The following SEMA3A variants were observed in gnomAD, a reference collection of about 807,000 sequenced individuals.
SEMA3A encodes semaphorin-3A.
Under a neutral mutation model 97.9 loss-of-function variants are expected in SEMA3A, and 29 were observed. That is an observed-to-expected ratio of 0.30 (90% CI 0.22 to 0.40). SEMA3A has a LOEUF of 0.40. SEMA3A is among the 10% of genes least tolerant of loss of function. SEMA3A has a pLI of 1.00. For missense variants in SEMA3A, 763 were observed against 951.3 expected (o/e 0.80, Z 2.60); for synonymous variants, 321 against 323.7 (o/e 0.99, Z 0.09).
chr7:84,024,011 CAAA>C (rs397890179), intron 6 of SEMA3A, among the ~76,000 whole-genome samples: 117 of 113,680 alleles, frequency 1.0e-3, no homozygotes, highest in African/African-American at 3.4e-3. Flanking sequence ...GACTCCGTCT[CAAA>C]AAAAAAAAAA....
Position 83,985,466 on chromosome 7 carries a change from A to C in SEMA3A, c.1464T>G (p.Ala488=), listed in dbSNP as rs778461884. Reference sequence around the variant, plus strand: ...TAGTGGAAAGCTCCATTGCTGAAATAGCAGTCGGTTCCTAAAGGAGAAAAA... The same window carrying C: ...TAGTGGAAAGCTCCATTGCTGAAATCGCAGTCGGTTCCTAAAGGAGAAAAA... ...EEMTVFREPT[A]ISAMELSTKQ... is the part of the protein sequence containing the mutation. The change falls in exon 13 of 17, where the codon GCT becomes GCG. Residue 488 remains alanine (A), a synonymous_variant. Transcript: ENST00000265362. 4 of 1,610,260 alleles carry C rather than the reference A, an allele frequency of 2.5e-6. No homozygotes were observed. The East Asian group carries it at 8.9e-5, about 36-fold the overall frequency.
intron 3 of SEMA3A, among the ~76,000 whole-genome samples, chr7:84,201,271 A>G (rs973976593): frequency 6.6e-6 from 1 of 152,044 alleles, no homozygotes; most frequent in African/African-American, 2.4e-5. Context: ...TGAAGCTGGT[A>G]AGAATAAAGA....
intron 3 of SEMA3A, among the ~76,000 whole-genome samples, chr7:84,225,814 T>TAGGAAGTGGAA (rs1482444513): frequency 1.3e-5 from 2 of 151,916 alleles, no homozygotes; most frequent in African/African-American, 4.8e-5. Flanking sequence ...AGTGGGATAG[T>TAGGAAGTGGAA]AGGAAGTGGA....
At chr7:84,268,114 AT>A (rs1381240286) in intron 3 of SEMA3A, among the ~76,000 whole-genome samples, 1 of 152,090 alleles carries the variant, frequency 6.6e-6, no homozygotes, top group Non-Finnish European at 1.5e-5. Flanking sequence ...ATAGCACCCA[AT>A]TTGCTTCTGG....
chr7:84,112,367 C>A (rs951710531), intron 3 of SEMA3A, among the ~76,000 whole-genome samples: 14 of 152,122 alleles, frequency 9.2e-5, no homozygotes, highest in African/African-American at 3.1e-4. Flanking sequence ...AGATGGATGT[C>A]TTTTTCATTC....
intron 1 of SEMA3A, among the ~76,000 whole-genome samples, chr7:84,163,842 A>ATTTT (rs551002141): frequency 5.5e-5 from 7 of 126,926 alleles, no homozygotes; most frequent in African/African-American, 1.7e-4. Flanking sequence ...ACACAGTACT[A>ATTTT]TTTTTTTTTT....
rs531373522 is a variant in SEMA3A, at chr7:84,172,708, G to A, written c.112+21767C>T. On this transcript the variant is annotated intron_variant, in intron 1 of 16. Transcript: ENST00000265362. ...CCCAAAGTGCTGGGATTACAGGCGTGGGCCACTGCACCCAGCCTGCTTTCA... is the reference window on the plus strand; with the variant it reads ...CCCAAAGTGCTGGGATTACAGGCGTAGGCCACTGCACCCAGCCTGCTTTCA... 5.2e-4 allele frequency among the ~76,000 whole-genome samples: 79 copies of A among 152,180 alleles called. No homozygotes were observed. In the South Asian group the frequency reaches 7.9e-3, roughly 15 times the overall value.
intron 3 of SEMA3A, among the ~76,000 whole-genome samples, chr7:84,219,858 C>T (rs1334808397): frequency 6.6e-6 from 1 of 152,142 alleles, no homozygotes; most frequent in East Asian, 1.9e-4. Context: ...CCAACCCCTG[C>T]TAGCTCTTTT....
At chr7:83,984,707 T>C (rs1412693235) in intron 13 of SEMA3A, among the ~76,000 whole-genome samples, 1 of 147,864 alleles carries the variant, frequency 6.8e-6, no homozygotes, top group Non-Finnish European at 1.5e-5. Flanking sequence ...ATTAAAACTA[T>C]ATTTGTTTAC....
chr7:84,381,188 G>C (rs140800744), intron 1 of SEMA3A, among the ~76,000 whole-genome samples: 1 of 152,252 alleles, frequency 6.6e-6, no homozygotes, highest in East Asian at 1.9e-4. Context: ...TCAATAAAGA[G>C]AGGGTGATTC....
At chr7:84,423,350 T>C (rs143351820) in intron 1 of SEMA3A, among the ~76,000 whole-genome samples, 2 of 152,186 alleles carry the variant, frequency 1.3e-5, no homozygotes, top group East Asian at 3.9e-4. Flanking sequence ...CCCACTGATA[T>C]CCTTGCCATT....
chr7:84,386,523 A>G (rs1803402177), intron 1 of SEMA3A, among the ~76,000 whole-genome samples: 1 of 152,166 alleles, frequency 6.6e-6, no homozygotes, highest in South Asian at 2.1e-4. Context: ...TTGTAAGGGT[A>G]TCTAAGAATG....
chr7:84,212,274 A>T (rs1289039933), intron 3 of SEMA3A, among the ~76,000 whole-genome samples: 2 of 152,222 alleles, frequency 1.3e-5, no homozygotes, highest in African/African-American at 4.8e-5. Flanking sequence ...TAGAAGTTTG[A>T]ATTCACAATG....
intron 4 of SEMA3A, among the ~76,000 whole-genome samples, chr7:84,064,966 C>A (rs1793419133): frequency 1.3e-5 from 2 of 152,272 alleles, no homozygotes; most frequent in Admixed American, 1.3e-4. Context: ...ACAGAATATA[C>A]ATTTTTTCGG....
intron 2 of SEMA3A, among the ~76,000 whole-genome samples, chr7:84,334,705 C>G (rs552870382): frequency 7.5e-4 from 114 of 151,274 alleles, no homozygotes; most frequent in African/African-American, 2.7e-3. Context: ...TTACTACCTC[C>G]CTTTCCACTT....
intron 4 of SEMA3A, among the ~76,000 whole-genome samples, chr7:84,065,077 C>A (rs1793425137): frequency 6.8e-6 from 1 of 147,550 alleles, no homozygotes; most frequent in African/African-American, 2.5e-5. Flanking sequence ...ATCTCTCAGA[C>A]CACAGTGCAA....
At chr7:84,473,470 T>C (rs945609114) in intron 1 of SEMA3A, among the ~76,000 whole-genome samples, 16 of 151,462 alleles carry the variant, frequency 1.1e-4, no homozygotes, top group Admixed American at 2.0e-4. Flanking sequence ...TCTCGGCTCA[T>C]TGCAACTTCT....
chr7:84,005,151 T>C (rs1790613486), intron 11 of SEMA3A, among the ~76,000 whole-genome samples, 188 bp downstream of exon 11: 1 of 152,212 alleles, frequency 6.6e-6, no homozygotes, highest in Admixed American at 6.5e-5. Context: ...GTTTATCTTA[T>C]AGGTAAGGCT....
At chr7:84,289,389 AATG>A (rs1466706032) in intron 3 of SEMA3A, among the ~76,000 whole-genome samples, 1 of 152,092 alleles carries the variant, frequency 6.6e-6, no homozygotes, top group Non-Finnish European at 1.5e-5. Flanking sequence ...AACATAAAGA[AATG>A]ATAACTGTTT....
Sources: allele counts gnomAD v4.1 joint callset (sites outside exome capture counted in the v4.1 genomes callset), GRCh38; gene constraint gnomAD v4.1.1; transcripts MANE v1.5; gene names NCBI Gene and HGNC (gene_info 2026-07-23, HGNC 2026-07-21).